Variants in ACSM3 observed in about 807,000 individuals in gnomAD.
ACSM3 encodes the protein acyl-coenzyme A synthetase ACSM3, mitochondrial.
In ACSM3, 61 loss-of-function variants were observed where a neutral mutation model predicts 74.1. The ratio of observed to expected loss-of-function variants is 0.82; its 90% CI spans 0.67 to 1.02. The LOEUF (loss-of-function observed/expected upper bound fraction) is 1.02, where lower values mean the gene tolerates loss of function less well. Ranked by LOEUF, ACSM3 falls within the 50% of genes least tolerant of loss-of-function variation. ACSM3 has a pLI of 0.00. For missense variants in ACSM3, 660 were observed against 697.0 expected (o/e 0.95, Z 0.60); for synonymous variants, 213 against 241.5 (o/e 0.88, Z 1.09).
intron 4 of ACSM3, chr16:20,779,909 T>C: frequency 5.5e-6 from 1 of 182,080 alleles, no homozygotes; most frequent in Non-Finnish European, 1.2e-5. Context: ...GGATTACAGG[T>C]ATGTGCCACT....
chr16:20,722,520 A>G (rs768278946), intron 1 of ACSM3, among the ~76,000 whole-genome samples: 4 of 152,192 alleles, frequency 2.6e-5, no homozygotes, highest in Non-Finnish European at 5.9e-5. Context: ...TGAGCCCAGC[A>G]AATGTTTAAA....
At chr16:20,686,014 G>A (rs146501853) in intron 1 of ACSM3, among the ~76,000 whole-genome samples, 181 of 151,982 alleles carry the variant, frequency 1.2e-3, no homozygotes, top group African/African-American at 4.1e-3. Flanking sequence ...TATGGACTGT[G>A]CATTCTTCTC....
chr16:20,708,679 T>C (rs2152372750), intron 1 of ACSM3, among the ~76,000 whole-genome samples: 1 of 152,350 alleles, frequency 6.6e-6, no homozygotes, highest in Middle Eastern at 3.4e-3. Context: ...ATTGTTAAGG[T>C]GTCCATATTA....
chr16:20,741,967 C>G (rs777320955), intron 1 of ACSM3: 68 of 1,529,266 alleles, frequency 4.4e-5, no homozygotes, highest in Non-Finnish European at 5.3e-5. Context: ...CGACTGCAAC[C>G]TGAATCCAGT....
intron 1 of ACSM3, chr16:20,729,191 T>C: frequency 1.4e-6 from 1 of 719,144 alleles, no homozygotes; most frequent in East Asian, 2.6e-5. Flanking sequence ...ATTTCTGTTC[T>C]GACCAAACTA....
chr16:20,733,093 GGTTTAA>G (rs1296309626), intron 1 of ACSM3: 6 of 152,304 alleles, frequency 3.9e-5, no homozygotes, highest in Non-Finnish European at 8.8e-5. Context: ...GATCCTTCCT[GGTTTAA>G]GTTTTTGTTT....
intron 1 of ACSM3, among the ~76,000 whole-genome samples, chr16:20,730,008 C>T (rs1040631160): frequency 6.6e-6 from 1 of 152,146 alleles, no homozygotes; most frequent in Non-Finnish European, 1.5e-5. Flanking sequence ...ACAGAGCTCT[C>T]TTTTCAGTCA....
At chr16:20,724,183 G>A (rs2079796546) in intron 1 of ACSM3, among the ~76,000 whole-genome samples, 1 of 152,014 alleles carries the variant, frequency 6.6e-6, no homozygotes, top group East Asian at 1.9e-4. Context: ...CAAAGATCAG[G>A]TAGTTGTAGA....
rs149049873 is a variant in ACSM3, at chr16:20,713,746, TG to T, written c.-189-36162del. Among the ~76,000 whole-genome samples, 1,457 of 152,276 alleles carry T rather than the reference TG, an allele frequency of 9.6e-3. 19 individuals carry two copies. The highest frequency in any genetic ancestry group is 0.065 in the East Asian group (337 of 5,182). Reference sequence around the variant, plus strand: ...ATAAAGGACTTTAATTAAACTCATGTGGATCTCAAATTGAAATGTGCATATT... The same window carrying T: ...ATAAAGGACTTTAATTAAACTCATGTGATCTCAAATTGAAATGTGCATATT... On this transcript the variant is annotated intron_variant, in intron 1 of 3. Transcript: ENST00000561584.
At chr16:20,791,925 C>CA in intron 10 of ACSM3, 77 bp from the exon 11 acceptor site, 2 of 1,410,746 alleles carry the variant, frequency 1.4e-6, no homozygotes, top group Admixed American at 1.9e-5. Context: ...GAGACTGTCT[C>CA]GGAAAAAAAA....
chr16:20,755,966 T>G (rs991143591), intron 3 of ACSM3, among the ~76,000 whole-genome samples: 1 of 152,114 alleles, frequency 6.6e-6, no homozygotes, highest in Admixed American at 6.6e-5. Flanking sequence ...CATGAACTCA[T>G]CATTTTTTAT....
intron 1 of ACSM3, among the ~76,000 whole-genome samples, chr16:20,744,328 G>A (rs34900980): frequency 0.13 from 19,831 of 152,226 alleles, 1,364 homozygotes; most frequent in East Asian, 0.21. Context: ...CCAAATCTCA[G>A]CCAAGCACAG....
intron 1 of ACSM3, among the ~76,000 whole-genome samples, chr16:20,714,021 T>A (rs1460357850): frequency 6.6e-6 from 1 of 152,134 alleles, no homozygotes; most frequent in African/African-American, 2.4e-5. Context: ...CTCAAGTGTA[T>A]ACGTTCATGA....
intron 1 of ACSM3, among the ~76,000 whole-genome samples, chr16:20,691,784 T>TGTGC (rs958652363): frequency 1.3e-5 from 2 of 151,234 alleles, no homozygotes; most frequent in African/African-American, 4.9e-5. Context: ...TGTGTGTGTG[T>TGTGC]GTGTGTGTGT....
chr16:20,785,958 T>A (rs1392614106), intron 8 of ACSM3, 120 bp from the exon 9 acceptor site: 12 of 605,288 alleles, frequency 2.0e-5, no homozygotes, highest in Non-Finnish European at 2.8e-5. Flanking sequence ...AGTATAGCAT[T>A]CATTTTGAGC....
intron 4 of ACSM3, chr16:20,780,406 T>C (rs1400734987): frequency 1.9e-6 from 1 of 523,076 alleles, no homozygotes; most frequent in African/African-American, 1.9e-5. Flanking sequence ...ACAGACTCCT[T>C]ACTCTGCTGG....
chr16:20,693,446 T>G (rs1451795897), intron 1 of ACSM3, among the ~76,000 whole-genome samples: 2 of 152,246 alleles, frequency 1.3e-5, no homozygotes, highest in Non-Finnish European at 2.9e-5. Flanking sequence ...CATGTAAATG[T>G]TGACTGAAGA....
chr16:20,748,743 T>C (rs1313491982), intron 1 of ACSM3, among the ~76,000 whole-genome samples: 1 of 152,116 alleles, frequency 6.6e-6, no homozygotes, highest in East Asian at 1.9e-4. Flanking sequence ...ACCTATTATA[T>C]CTAAACATGT....
At chr16:20,700,401 A>G (rs1050945694) in intron 1 of ACSM3, among the ~76,000 whole-genome samples, 3 of 152,080 alleles carry the variant, frequency 2.0e-5, no homozygotes, top group Non-Finnish European at 4.4e-5. Context: ...ACAGGGCAAT[A>G]TGATGGAGAG....
Sources: allele counts gnomAD v4.1 joint callset (sites outside exome capture counted in the v4.1 genomes callset), GRCh38; gene constraint gnomAD v4.1.1; transcripts MANE v1.5; gene names NCBI Gene and HGNC (gene_info 2026-07-23, HGNC 2026-07-21).